GLIS3: variants seen among roughly 807,000 people sequenced by gnomAD.
GLIS3 encodes the protein zinc finger protein GLIS3.
GLIS3 carries 53 observed loss-of-function variants against 78.6 expected under a neutral mutation model. That is an observed-to-expected ratio of 0.67 (90% confidence interval 0.54 to 0.85). The LOEUF is 0.85. Ranked by LOEUF, GLIS3 falls within the 40% of genes least tolerant of loss-of-function variation. The pLI is 0.00. For missense variants in GLIS3, 1,703 were observed against 1,231.1 expected, an observed-to-expected ratio of 1.38 and a Z score of -5.74; for synonymous variants, 684 against 509.9, an observed-to-expected ratio of 1.34 and a Z score of -4.60.
intron 4 of GLIS3, among the ~76,000 whole-genome samples, chr9:3,942,705 T>A (rs1816016615): frequency 6.6e-6 from 1 of 151,796 alleles, no homozygotes; most frequent in Non-Finnish European, 1.5e-5. Flanking sequence ...AAACACAGAC[T>A]CTGCCTCAGC....
chr9:4,040,691 G>C (rs966704898), intron 4 of GLIS3, among the ~76,000 whole-genome samples: 1 of 152,232 alleles, frequency 6.6e-6, no homozygotes, highest in South Asian at 2.1e-4. Flanking sequence ...TAAGTGGATA[G>C]TGAGTTATAA....
At chr9:4,084,713 A>G (rs1588632916) in intron 4 of GLIS3, among the ~76,000 whole-genome samples, 1 of 152,206 alleles carries the variant, frequency 6.6e-6, no homozygotes, top group South Asian at 2.1e-4. Flanking sequence ...CATGCCGTAC[A>G]GTAAAGCTGC....
chr9:4,176,439 A>C (rs1196189113), intron 2 of GLIS3, among the ~76,000 whole-genome samples: 1 of 152,102 alleles, frequency 6.6e-6, no homozygotes, highest in East Asian at 1.9e-4. Context: ...TTGTACTTTA[A>C]AATTATTTTA....
chr9:4,438,631 C>A, the GLIS3 span, among the ~76,000 whole-genome samples: 1 of 152,082 alleles, frequency 6.6e-6, no homozygotes, highest in African/African-American at 2.4e-5. Context: ...TGTAATAATC[C>A]CCACTTGTCA....
intron 2 of GLIS3, among the ~76,000 whole-genome samples, chr9:4,341,070 C>T (rs1326159642): frequency 6.6e-6 from 1 of 152,220 alleles, no homozygotes; most frequent in African/African-American, 2.4e-5. Context: ...TCCCTCTAAT[C>T]CAAATGATCT....
chr9:4,466,166 A>C, the GLIS3 span, among the ~76,000 whole-genome samples: 1 of 152,240 alleles, frequency 6.6e-6, no homozygotes, highest in African/African-American at 2.4e-5. Flanking sequence ...ACAAGGGTAT[A>C]TAATGAACAA....
At chr9:4,470,795 G>A in the GLIS3 span, among the ~76,000 whole-genome samples, 1 of 151,898 alleles carries the variant, frequency 6.6e-6, no homozygotes, top group African/African-American at 2.4e-5. Context: ...ATTCAATTAG[G>A]AAAAGAGGAA....
chr9:4,211,472 G>A (rs1478029580), intron 2 of GLIS3, among the ~76,000 whole-genome samples: 1 of 152,188 alleles, frequency 6.6e-6, no homozygotes, highest in Non-Finnish European at 1.5e-5. Flanking sequence ...GAGACACTGT[G>A]TTACTAATTG....
chr9:4,206,003 A>C (rs1254297325), intron 2 of GLIS3, among the ~76,000 whole-genome samples: 1 of 152,200 alleles, frequency 6.6e-6, no homozygotes, highest in Non-Finnish European at 1.5e-5. Context: ...TCCAAGATGC[A>C]AGATACCTGA....
rs188965637 is a variant in GLIS3 at position 4,295,846 on chromosome 9, G to C, written c.-99+3575C>G. Among the ~76,000 whole-genome samples the C allele has an allele frequency of 2.6e-5, 4 of 152,260 alleles. No individual in the cohort carries two copies. The East Asian group carries it at 7.7e-4, about 29-fold the overall frequency. On this transcript the variant is annotated intron_variant, in intron 1 of 10. Coordinates refer to ENST00000381971, the MANE Select transcript of GLIS3 (RefSeq NM_001042413.2). ...GGAAACTACAAAAACTGGGGACTTGGACATCTTTTAATCAAACTATGTATC... is the reference window on the plus strand; with the variant it reads ...GGAAACTACAAAAACTGGGGACTTGCACATCTTTTAATCAAACTATGTATC...
intron 4 of GLIS3, among the ~76,000 whole-genome samples, chr9:4,075,428 T>A (rs1827964146): frequency 1.4e-5 from 1 of 73,816 alleles, no homozygotes; most frequent in Non-Finnish European, 2.7e-5. Flanking sequence ...AAAAAAAAAT[T>A]AGCTGGGCAT....
upstream of GLIS3, among the ~76,000 whole-genome samples, chr9:4,302,010 C>T (rs959597118): frequency 6.7e-6 from 1 of 149,604 alleles, no homozygotes; most frequent in Middle Eastern, 3.4e-3. Context: ...TTTTTTCTGG[C>T]CAAGAATGTA....
At chr9:4,236,403 A>G (rs1417407490) in intron 2 of GLIS3, among the ~76,000 whole-genome samples, 1 of 152,148 alleles carries the variant, frequency 6.6e-6, no homozygotes, top group Non-Finnish European at 1.5e-5. Context: ...ATACTTAAGA[A>G]TTCCCACTTT....
chr9:4,025,688 G>C (rs1823278011), intron 4 of GLIS3, among the ~76,000 whole-genome samples: 1 of 152,072 alleles, frequency 6.6e-6, no homozygotes, highest in Admixed American at 6.5e-5. Flanking sequence ...GCCTGGCCTG[G>C]CCCATGTTTT....
chr9:4,354,060 T>G, the GLIS3 span, among the ~76,000 whole-genome samples: 1 of 151,068 alleles, frequency 6.6e-6, no homozygotes, highest in East Asian at 2.0e-4. Flanking sequence ...ATGGTCTCTA[T>G]CTCCTGACCT....
chr9:4,247,407 T>C (rs1823899959), intron 2 of GLIS3, among the ~76,000 whole-genome samples: 1 of 152,154 alleles, frequency 6.6e-6, no homozygotes, highest in African/African-American at 2.4e-5. Context: ...AACAGAAGCA[T>C]AATATAAAGT....
At chr9:4,257,991 A>G (rs1825143089) in intron 2 of GLIS3, among the ~76,000 whole-genome samples, 1 of 152,188 alleles carries the variant, frequency 6.6e-6, no homozygotes, top group Non-Finnish European at 1.5e-5. Flanking sequence ...CTACCAAGCT[A>G]ATATTATATA....
At chr9:4,066,293 A>C (rs1001596672) in intron 4 of GLIS3, among the ~76,000 whole-genome samples, 18 of 152,212 alleles carry the variant, frequency 1.2e-4, no homozygotes, top group African/African-American at 4.3e-4. Context: ...ATCTGACCTC[A>C]CTAGGGTTTC....
chr9:3,863,364 C>T (rs919291034), intron 8 of GLIS3, among the ~76,000 whole-genome samples: 2 of 152,206 alleles, frequency 1.3e-5, no homozygotes, highest in Non-Finnish European at 2.9e-5. Flanking sequence ...CTGAGACAAT[C>T]AAGACCAGCT....
Sources: gnomAD v4.1 joint callset for allele counts (sites outside exome capture counted in the v4.1 genomes callset) on GRCh38, gnomAD v4.1.1 for gene constraint, MANE v1.5 for transcripts, NCBI Gene and HGNC (gene_info 2026-07-23, HGNC 2026-07-21) for gene names.